The following CNGB3 variants were observed in gnomAD, a reference collection of about 807,000 sequenced individuals.
CNGB3 encodes the protein cyclic nucleotide gated channel subunit beta 3, also known as cyclic nucleotide-gated channel beta-3.
Under a neutral mutation model 92.8 loss-of-function variants are expected in CNGB3, and 86 were observed. The observed-to-expected ratio is 0.93, with a 90% CI of 0.78 to 1.11. CNGB3 has a LOEUF of 1.11. Among genes scored for constraint, CNGB3 ranks in the 50% least tolerant of loss-of-function variants. The pLI is 0.00. For missense variants in CNGB3, 1,026 were observed against 956.8 expected (o/e 1.07, Z -0.95); for synonymous variants, 333 against 332.7 (o/e 1.00, Z -0.01).
intron 15 of CNGB3, among the ~76,000 whole-genome samples, chr8:86,596,773 A>G (rs1822179936): frequency 6.6e-6 from 1 of 152,212 alleles, no homozygotes; most frequent in South Asian, 2.1e-4. Flanking sequence ...CTTGGAATCA[A>G]ACCAAATGTC....
intron 15 of CNGB3, among the ~76,000 whole-genome samples, chr8:86,601,248 G>A (rs1822291695): frequency 6.6e-6 from 1 of 152,166 alleles, no homozygotes; most frequent in African/African-American, 2.4e-5. Context: ...GAAACAGAAT[G>A]CAGACAGGAA....
intron 3 of CNGB3, among the ~76,000 whole-genome samples, chr8:86,701,997 A>C (rs1824566622): frequency 6.6e-6 from 1 of 152,214 alleles, no homozygotes; most frequent in African/African-American, 2.4e-5. Context: ...ATCAGTTTGA[A>C]AATATATATT....
chr8:86,595,476 A>G (rs1354372714), intron 15 of CNGB3, among the ~76,000 whole-genome samples: 3 of 152,232 alleles, frequency 2.0e-5, no homozygotes, highest in Non-Finnish European at 2.9e-5. Context: ...GATGAGGTAT[A>G]CTTTTCATGC....
chr8:86,730,070 A>G (rs1825132593), intron 2 of CNGB3, among the ~76,000 whole-genome samples: 1 of 152,196 alleles, frequency 6.6e-6, no homozygotes, highest in Non-Finnish European at 1.5e-5. Flanking sequence ...GCAAAAAATA[A>G]GTAGAGTTTG....
Position 86,643,828 on chromosome 8 carries a change from A to G in CNGB3, c.1101T>C (p.Asn367=). 5.0e-6 allele frequency: 8 copies of G among 1,607,582 alleles called. No homozygotes were observed. The highest frequency in any genetic ancestry group is 1.3e-5 in the African/African-American group (1 of 74,414). The change falls in exon 10 of 18, where the codon AAT becomes AAC. Residue 367 remains asparagine (N), a synonymous_variant. Coordinates refer to ENST00000320005, the MANE Select transcript of CNGB3 (RefSeq NM_019098.5). ...TTGAAGCCCAGTAATAAACACAGGC[A>G]TTAATGTGCAGAATAAACAGCAAGT... The part of the protein sequence containing the change: ...TGYLLFILHI[N]ACVYYWASNY...
intron 2 of CNGB3, among the ~76,000 whole-genome samples, chr8:86,730,225 G>A (rs562923013): frequency 6.6e-6 from 1 of 152,254 alleles, no homozygotes; most frequent in South Asian, 2.1e-4. Flanking sequence ...TCTCTCTTCA[G>A]GTGATGAAAT....
intron 12 of CNGB3, among the ~76,000 whole-genome samples, chr8:86,627,724 T>C (rs559074293): frequency 2.1e-4 from 32 of 152,342 alleles, no homozygotes; most frequent in African/African-American, 7.7e-4. Context: ...GTAGACACCA[T>C]TAATTATTTA....
intron 6 of CNGB3, chr8:86,657,902 C>T (rs1433432773): frequency 3.7e-6 from 2 of 546,850 alleles, no homozygotes; most frequent in East Asian, 4.6e-5. Flanking sequence ...ACGCTGGGAC[C>T]CCTCTGACCA....
At chr8:86,666,356 T>C (rs1375353578) in intron 6 of CNGB3, among the ~76,000 whole-genome samples, 1 of 152,224 alleles carries the variant, frequency 6.6e-6, no homozygotes, top group Non-Finnish European at 1.5e-5. Context: ...GGCTCAAGTA[T>C]TGTCAAATTC....
chr8:86,659,033 T>A, intron 6 of CNGB3: 1 of 976,966 alleles, frequency 1.0e-6, no homozygotes, highest in Non-Finnish European at 1.6e-6. Flanking sequence ...CGGCCTCCAC[T>A]TATAGCTGCT....
intron 10 of CNGB3, among the ~76,000 whole-genome samples, chr8:86,643,215 T>A (rs1426381241): frequency 6.6e-6 from 1 of 151,514 alleles, no homozygotes; most frequent in Non-Finnish European, 1.5e-5. Flanking sequence ...GTTTTTCAGC[T>A]TAAAAATTTT....
At chr8:86,609,617 A>T (rs1039954506) in intron 14 of CNGB3, among the ~76,000 whole-genome samples, 1 of 152,080 alleles carries the variant, frequency 6.6e-6, no homozygotes, top group Non-Finnish European at 1.5e-5. Flanking sequence ...CCTTTATATT[A>T]CAGTTCCCAG....
intron 10 of CNGB3, among the ~76,000 whole-genome samples, chr8:86,634,406 A>G (rs954668600): frequency 2.0e-5 from 3 of 152,116 alleles, no homozygotes. Context: ...TATTAACTGC[A>G]TTTTTGGCTT....
intron 12 of CNGB3, 77 bp from the exon 13 acceptor site, chr8:86,626,157 T>A (rs910756310): frequency 3.8e-5 from 43 of 1,144,868 alleles, no homozygotes; most frequent in Middle Eastern, 3.9e-4. Flanking sequence ...AGTAGAAAAA[T>A]TTTTAAAATA....
intron 3 of CNGB3, among the ~76,000 whole-genome samples, chr8:86,721,435 G>A (rs1186072277): frequency 2.6e-5 from 4 of 151,756 alleles, no homozygotes; most frequent in African/African-American, 9.7e-5. Context: ...AGGGGGTGAA[G>A]GATAAAAGTT....
intron 3 of CNGB3, among the ~76,000 whole-genome samples, chr8:86,710,718 T>C (rs926540801): frequency 6.6e-6 from 1 of 152,074 alleles, no homozygotes; most frequent in Non-Finnish European, 1.5e-5. Context: ...ATACCTAAGA[T>C]ATAAACATCT....
intron 15 of CNGB3, among the ~76,000 whole-genome samples, chr8:86,581,668 A>G (rs559818061): frequency 3.3e-5 from 5 of 152,290 alleles, no homozygotes; most frequent in Admixed American, 6.5e-5. Context: ...ATGTCACAGC[A>G]TTGGGAAATA....
At chr8:86,712,727 T>C (rs1824772169) in intron 3 of CNGB3, among the ~76,000 whole-genome samples, 1 of 151,098 alleles carries the variant, frequency 6.6e-6, no homozygotes, top group African/African-American at 2.4e-5. Flanking sequence ...TATCTATTAG[T>C]TTTATTTTTC....
At chr8:86,589,288 A>G (rs1015431203) in intron 15 of CNGB3, among the ~76,000 whole-genome samples, 8 of 151,126 alleles carry the variant, frequency 5.3e-5, no homozygotes, top group Non-Finnish European at 1.0e-4. Flanking sequence ...TCAAAAAACC[A>G]GATCCTGGAT....
Sources: allele counts gnomAD v4.1 joint callset (sites outside exome capture counted in the v4.1 genomes callset), GRCh38; gene constraint gnomAD v4.1.1; transcripts MANE v1.5; gene names NCBI Gene and HGNC (gene_info 2026-07-23, HGNC 2026-07-21).